Variants in UMAD1 observed in about 807,000 individuals in gnomAD.
UMAD1 encodes UBAP1-MVB12-associated (UMA) domain containing 1, also known as UBAP1-MVB12-associated (UMA)-domain containing protein 1.
A neutral mutation model predicts 6.1 loss-of-function variants in UMAD1; 8 were observed. The ratio of observed to expected loss-of-function variants is 1.30; its 90% confidence interval spans 0.76 to 2.35. UMAD1 has a LOEUF of 2.35. UMAD1 is among the 30% of genes most tolerant of loss of function. UMAD1 has a pLI of 0.00. For missense variants in UMAD1, 130 were observed against 78.4 expected (o/e 1.66, Z -2.49); for synonymous variants, 56 against 31.4 (o/e 1.78, Z -2.61).
At chr7:7,837,176 G>C (rs988350358) in intron 3 of UMAD1, among the ~76,000 whole-genome samples, 1 of 152,016 alleles carries the variant, frequency 6.6e-6, no homozygotes, top group African/African-American at 2.4e-5. Flanking sequence ...TCAAAGTGGT[G>C]AGAAAATATA....
At chr7:7,654,297 A>G (rs1785292470) in intron 1 of UMAD1, among the ~76,000 whole-genome samples, 1 of 152,250 alleles carries the variant, frequency 6.6e-6, no homozygotes, top group African/African-American at 2.4e-5. Context: ...AAGTGAGGCC[A>G]TCTGTATTCA....
intron 3 of UMAD1, among the ~76,000 whole-genome samples, chr7:7,812,811 T>G: frequency 6.6e-6 from 1 of 151,848 alleles, no homozygotes; most frequent in East Asian, 1.9e-4. Context: ...CTTTTTTTTT[T>G]TTTTCAAATT....
chr7:7,724,163 AAT>A (rs1435650409), intron 2 of UMAD1, among the ~76,000 whole-genome samples: 1 of 152,118 alleles, frequency 6.6e-6, no homozygotes, highest in Admixed American at 6.6e-5. Flanking sequence ...GGTAACTGAT[AAT>A]GTCATTTCAG....
At chr7:7,825,606 T>C (rs1249817752) in intron 3 of UMAD1, among the ~76,000 whole-genome samples, 1 of 152,154 alleles carries the variant, frequency 6.6e-6, no homozygotes, top group East Asian at 1.9e-4. Flanking sequence ...AAGACCTGCC[T>C]CTTCCCACAA....
At chr7:7,708,831 A>G (rs879672451) in intron 2 of UMAD1, among the ~76,000 whole-genome samples, 5 of 152,174 alleles carry the variant, frequency 3.3e-5, no homozygotes, top group Admixed American at 6.6e-5. Context: ...AGTTATAACA[A>G]GACACCAAAT....
chr7:7,769,222 G>A (rs1782054008), intron 2 of UMAD1, among the ~76,000 whole-genome samples: 1 of 152,192 alleles, frequency 6.6e-6, no homozygotes, highest in Non-Finnish European at 1.5e-5. Flanking sequence ...AGAGATAGGA[G>A]CTCTCAGTGA....
intron 1 of UMAD1, among the ~76,000 whole-genome samples, chr7:7,672,323 A>G (rs995142296): frequency 2.6e-5 from 4 of 152,176 alleles, no homozygotes; most frequent in Non-Finnish European, 5.9e-5. Flanking sequence ...ATGTATAACA[A>G]TGGGAATAGT....
chr7:7,707,185 A>AC (rs1297977278), intron 2 of UMAD1, among the ~76,000 whole-genome samples: 1 of 152,100 alleles, frequency 6.6e-6, no homozygotes, highest in Non-Finnish European at 1.5e-5. Flanking sequence ...AGTTTTTACA[A>AC]CCCTGTGTGA....
chr7:7,748,195 C>G (rs377150568), intron 2 of UMAD1, among the ~76,000 whole-genome samples: 1 of 151,708 alleles, frequency 6.6e-6, no homozygotes, highest in African/African-American at 2.4e-5. Flanking sequence ...CCGCCCGCCT[C>G]GGCCTCCCAA....
At chr7:7,731,600 G>A (rs954044340) in intron 2 of UMAD1, among the ~76,000 whole-genome samples, 3 of 151,354 alleles carry the variant, frequency 2.0e-5, no homozygotes, top group South Asian at 4.1e-4. Context: ...AAGTTAATTC[G>A]CTTATGGTAA....
chr7:7,812,967 T>A (rs568158366), intron 3 of UMAD1, among the ~76,000 whole-genome samples: 3 of 152,186 alleles, frequency 2.0e-5, no homozygotes, highest in Non-Finnish European at 4.4e-5. Context: ...TCTTGAAGGA[T>A]AAATTTCATC....
intron 3 of UMAD1, among the ~76,000 whole-genome samples, chr7:7,847,994 T>C (rs1385541173): frequency 2.6e-5 from 4 of 152,194 alleles, no homozygotes; most frequent in African/African-American, 4.8e-5. Context: ...CGAACCAATA[T>C]GAATTAAGCC....
chr7:7,710,014 C>G (rs1442822391), intron 2 of UMAD1, among the ~76,000 whole-genome samples: 1 of 152,032 alleles, frequency 6.6e-6, no homozygotes, highest in African/African-American at 2.4e-5. Flanking sequence ...GTTTTACAAC[C>G]ATATATAAAT....
chr7:7,712,705 A>G (rs1418498621), intron 2 of UMAD1, among the ~76,000 whole-genome samples: 1 of 152,192 alleles, frequency 6.6e-6, no homozygotes, highest in Non-Finnish European at 1.5e-5. Context: ...GACCTCTAGT[A>G]TGTTGAAGAG....
At chr7:7,867,328 A>AGG (rs1784251453) in intron 3 of UMAD1, among the ~76,000 whole-genome samples, 1 of 152,158 alleles carries the variant, frequency 6.6e-6, no homozygotes, top group African/African-American at 2.4e-5. Flanking sequence ...GGGGGAGTGG[A>AGG]AGAGTGGAGC....
At chr7:7,847,262 C>T (rs977850161) in intron 3 of UMAD1, among the ~76,000 whole-genome samples, 2 of 150,074 alleles carry the variant, frequency 1.3e-5, no homozygotes, top group African/African-American at 2.5e-5. Flanking sequence ...TCCAGGAAGC[C>T]GTTTAGTTCT....
intron 2 of UMAD1, among the ~76,000 whole-genome samples, chr7:7,781,842 A>C (rs1782351866): frequency 6.7e-6 from 1 of 148,594 alleles, no homozygotes; most frequent in African/African-American, 2.5e-5. Context: ...AATATGTAGA[A>C]TAAAGAAATA....
Position 7,677,591 on chromosome 7 carries a change from CT to C in UMAD1, c.82+4145del, listed in dbSNP as rs1310036428. Among the ~76,000 whole-genome samples, 7 of 148,042 alleles carry C rather than the reference CT, an allele frequency of 4.7e-5. 1 individual carries two copies. Among genetic ancestry groups the C allele is most frequent in the South Asian group, 2.1e-4 (1 of 4,700 alleles). ...TTGTTGCAAAGGACAGGATTTCATT[CT>C]TTTTTTATGGCTAAATAGTATTCCA... On this transcript the variant is annotated intron_variant, in intron 2 of 3. Transcript: ENST00000682710.
rs1025916952 is a variant in UMAD1 at position 7,743,720 on chromosome 7, A to G, written c.83-57950A>G. On this transcript the variant is annotated intron_variant, in intron 2 of 3. Transcript: ENST00000682710. ...TATGTATAATATATATTATACATAT[A>G]CATATATATTTTCCATTCTGCACTT... is the stretch of plus-strand genomic sequence containing the variant. Among the ~76,000 whole-genome samples, 4 of 151,088 alleles carry G rather than the reference A, an allele frequency of 2.6e-5. No individual in the cohort carries two copies. The East Asian group carries it at 5.8e-4, about 22-fold the overall frequency.
Sources: allele counts gnomAD v4.1 joint callset (sites outside exome capture counted in the v4.1 genomes callset), GRCh38; gene constraint gnomAD v4.1.1; transcripts MANE v1.5; gene names NCBI Gene and HGNC (gene_info 2026-07-23, HGNC 2026-07-21).